NR3C1: variants seen among roughly 807,000 people sequenced by gnomAD.
NR3C1 encodes nuclear receptor subfamily 3 group C member 1.
In NR3C1, 14 loss-of-function variants were observed where a neutral mutation model predicts 74.0. That is an observed-to-expected ratio of 0.19 (90% CI 0.12 to 0.30). The LOEUF (loss-of-function observed/expected upper bound fraction) is 0.30, where lower values mean the gene tolerates loss of function less well. NR3C1 is among the 10% of genes least tolerant of loss of function. The probability of loss-of-function intolerance (pLI) is 1.00; values close to 1 mark genes in which losing one functional copy is unlikely to be tolerated. For synonymous variants in NR3C1, 308 were observed against 332.5 expected, an observed-to-expected ratio of 0.93 and a Z score of 0.80; for missense variants, 695 against 909.8, an observed-to-expected ratio of 0.76 and a Z score of 3.04.
In NR3C1 at chr5:143,279,010, T is replaced by C; in HGVS notation, c.*2879A>G. On this transcript the variant is annotated 3_prime_UTR_variant, in exon 9 of 9. Transcript: ENST00000394464. ...CTTGTATAGTATCCCACAGAATACCTACAAACACTAAAAATACTTTTCAGG... is the reference window on the plus strand; with the variant it reads ...CTTGTATAGTATCCCACAGAATACCCACAAACACTAAAAATACTTTTCAGG... 3.7e-6 allele frequency: 1 copy of C among 268,970 alleles called. No homozygotes were observed. Among genetic ancestry groups the C allele is most frequent in the Non-Finnish European group, 7.0e-6 (1 of 143,594 alleles). 16.7% of individuals were successfully genotyped at this position (268,970 alleles called of 1,614,324 possible).
chr5:143,402,682 AGCCCCCCGCGTGTGCACCCTCAC>A, intron 1 of NR3C1: 1 of 985,450 alleles, frequency 1.0e-6, no homozygotes, highest in Non-Finnish European at 1.2e-6. Flanking sequence ...GCGGGCTGTC[AGCCCCCCGCGTGTGCACCCTCAC>A]GCGCCCCGCA....
chr5:143,334,785 T>C (rs1416465285), intron 2 of NR3C1, among the ~76,000 whole-genome samples: 1 of 151,770 alleles, frequency 6.6e-6, no homozygotes, highest in Non-Finnish European at 1.5e-5. Context: ...ATCTTTTAAA[T>C]TACATTGGAA....
rs1457761600 is a variant in NR3C1 at position 143,400,077 on chromosome 5, G to A, written c.763C>T (p.Pro255Ser). Reference protein sequence around the residue: ...CKPLILPDTKPKIKDNGDLVL... With the variant: ...CKPLILPDTKSKIKDNGDLVL... Reference sequence around the variant, plus strand: ...AGATCTCCATTATCCTTAATTTTGGGTTTAGTGTCCGGTAAAATGAGAGGC... The same window carrying A: ...AGATCTCCATTATCCTTAATTTTGGATTTAGTGTCCGGTAAAATGAGAGGC... Residue 255 changes from proline (P) to serine (S), a missense_variant, in exon 2 of 9, where the codon CCC becomes TCC. By Grantham distance (74) the Pro-to-Ser change is moderately conservative. Around this residue, in one of 4 missense-constraint regions of NR3C1, gnomAD observed 497 missense variants for 489.5 expected, o/e 1.02. Coordinates refer to ENST00000394464, the MANE Select transcript of NR3C1 (RefSeq NM_000176.3). 2 of 1,614,162 alleles carry A rather than the reference G, an allele frequency of 1.2e-6. No individual in the cohort carries two copies. The highest frequency in any genetic ancestry group is 8.5e-7 in the Non-Finnish European group (1 of 1,180,040).
At chr5:143,381,873 T>C (rs1370439992) in intron 2 of NR3C1, among the ~76,000 whole-genome samples, 2 of 152,134 alleles carry the variant, frequency 1.3e-5, no homozygotes, top group African/African-American at 4.8e-5. Flanking sequence ...TGGGCAAAGA[T>C]TTCTTTAGTA....
chr5:143,321,247 ACAACAG>A (rs1266477681), intron 2 of NR3C1, among the ~76,000 whole-genome samples: 1 of 152,224 alleles, frequency 6.6e-6, no homozygotes, highest in East Asian at 1.9e-4. Context: ...CACCTCAAAT[ACAACAG>A]TAACTTATTT....
chr5:143,341,629 G>C (rs1474805029), intron 2 of NR3C1, among the ~76,000 whole-genome samples: 1 of 152,046 alleles, frequency 6.6e-6, no homozygotes, highest in African/African-American at 2.4e-5. Context: ...ATCCTAATTA[G>C]TATTAGCATA....
At chr5:143,397,386 G>C (rs1032357538) in intron 2 of NR3C1, among the ~76,000 whole-genome samples, 1 of 151,782 alleles carries the variant, frequency 6.6e-6, no homozygotes, top group African/African-American at 2.4e-5. Context: ...CAAATGTTTG[G>C]CTACAGTCAT....
intron 1 of NR3C1, among the ~76,000 whole-genome samples, chr5:143,417,586 T>G (rs1750973569): frequency 6.6e-6 from 1 of 152,160 alleles, no homozygotes; most frequent in Non-Finnish European, 1.5e-5. Flanking sequence ...TGTAAAGCAT[T>G]TAGCATGGTC....
At position 143,279,280 on chromosome 5, in the gene NR3C1, C is replaced by CTT; in HGVS notation, c.*2607_*2608dup. The stretch of plus-strand genomic sequence containing the variant: ...ATAGTTGTCGATGAGCATCAGTTGA[C>CTT]TTATTATTGACAACGAAGTGCACAT... On this transcript the variant is annotated 3_prime_UTR_variant, in exon 9 of 9. Transcript: ENST00000394464. 6.8e-7 allele frequency: 1 copy of CTT among 1,470,628 alleles called. No individual in the cohort carries two copies. The highest frequency in any genetic ancestry group is 2.5e-5 in the East Asian group (1 of 39,612). The allele number at this position is 1,470,628 out of a possible 1,614,324, so 91.1% of individuals were successfully genotyped here.
intron 2 of NR3C1, among the ~76,000 whole-genome samples, chr5:143,336,576 G>A (rs969025902): frequency 6.6e-6 from 1 of 152,178 alleles, no homozygotes; most frequent in Non-Finnish European, 1.5e-5. Context: ...TTCAAAGTCT[G>A]TTTAAGAACA....
chr5:143,361,717 A>G (rs1262095712), intron 2 of NR3C1, among the ~76,000 whole-genome samples: 1 of 152,214 alleles, frequency 6.6e-6, no homozygotes, highest in Non-Finnish European at 1.5e-5. Context: ...AGAAATTCCT[A>G]GATGTCCCAC....
chr5:143,326,484 T>TA (rs915502484), intron 2 of NR3C1, among the ~76,000 whole-genome samples: 3 of 152,258 alleles, frequency 2.0e-5, no homozygotes, highest in Non-Finnish European at 4.4e-5. Flanking sequence ...ATTATTAAGA[T>TA]AATGTCATGC....
At chr5:143,312,605 T>C (rs1435820223) in intron 3 of NR3C1, among the ~76,000 whole-genome samples, 1 of 151,998 alleles carries the variant, frequency 6.6e-6, no homozygotes, top group Non-Finnish European at 1.5e-5. Flanking sequence ...AAGAATGGAG[T>C]GCTAAGTGTA....
At chr5:143,286,724 A>C (rs1814577652) in intron 7 of NR3C1, among the ~76,000 whole-genome samples, 1 of 152,112 alleles carries the variant, frequency 6.6e-6, no homozygotes, top group Admixed American at 6.6e-5. Context: ...AAATCAGCAA[A>C]GATACAGAAA....
At chr5:143,378,603 T>C (rs898986674) in intron 2 of NR3C1, among the ~76,000 whole-genome samples, 1 of 152,198 alleles carries the variant, frequency 6.6e-6, no homozygotes, top group South Asian at 2.1e-4. Flanking sequence ...CTAGTCAACA[T>C]CTCTGACTGT....
chr5:143,308,906 T>C (rs1280241594), intron 4 of NR3C1, among the ~76,000 whole-genome samples: 1 of 152,218 alleles, frequency 6.6e-6, no homozygotes, highest in Non-Finnish European at 1.5e-5. Flanking sequence ...ACTAAGCATA[T>C]GTGTTATGAG....
At chr5:143,399,408 TTAAA>T (rs1839827513) in intron 2 of NR3C1, among the ~76,000 whole-genome samples, 1 of 152,192 alleles carries the variant, frequency 6.6e-6, no homozygotes, top group African/African-American at 2.4e-5. Flanking sequence ...TTTAAAAATG[TTAAA>T]TAAAATCCTC....
In NR3C1 at chr5:143,420,996, G is replaced by A. The variant is rs1751203050; in HGVS notation, c.-14+13536C>T. 2.0e-5 allele frequency among the ~76,000 whole-genome samples: 3 copies of A among 152,152 alleles called. No individual in the cohort carries two copies. In the South Asian group the frequency reaches 6.2e-4, roughly 32 times the overall value. On this transcript the variant is annotated intron_variant, in intron 1 of 8. Coordinates refer to the NR3C1 transcript ENST00000343796. ...TTATTTTATCATTTTTCTCCTATAT[G>A]TATAATTCAGGACAAATTCTTCTTT...
At chr5:143,434,254 T>G in intron 1 of NR3C1, among the ~76,000 whole-genome samples, 1 of 152,212 alleles carries the variant, frequency 6.6e-6, no homozygotes, top group East Asian at 1.9e-4. Context: ...TCCATGTCAG[T>G]TTTGTTTTGT....
Sources: allele counts gnomAD v4.1 joint callset (sites outside exome capture counted in the v4.1 genomes callset), GRCh38; gene constraint gnomAD v4.1.1; regional missense constraint gnomAD v4.1.1; transcripts MANE v1.5; gene names NCBI Gene and HGNC (gene_info 2026-07-23, HGNC 2026-07-21).